Variants in DIRAS2 observed in about 807,000 individuals in gnomAD.
The protein encoded by DIRAS2 is DIRAS family GTPase 2, also known as GTP-binding protein Di-Ras2.
Under a neutral mutation model 13.9 loss-of-function variants are expected in DIRAS2, and 5 were observed. The ratio of observed to expected loss-of-function variants is 0.36; its 90% CI spans 0.19 to 0.76. The LOEUF is 0.76. DIRAS2 is among the 30% of genes least tolerant of loss of function. DIRAS2 has a pLI of 0.53. For synonymous variants in DIRAS2, 111 were observed against 105.4 expected (o/e 1.05, Z -0.33); for missense variants, 191 against 263.0 (o/e 0.73, Z 1.89).
At chr9:90,619,344 G>A (rs1328754664) in intron 1 of DIRAS2, among the ~76,000 whole-genome samples, 4 of 152,148 alleles carry the variant, frequency 2.6e-5, no homozygotes, top group African/African-American at 9.7e-5. Context: ...TTGGGAGGCT[G>A]AGGCAGGAGA....
chr9:90,621,269 A>C (rs1361586733), intron 1 of DIRAS2, among the ~76,000 whole-genome samples: 2 of 152,184 alleles, frequency 1.3e-5, no homozygotes, highest in African/African-American at 4.8e-5. Context: ...AATGACTAGT[A>C]TAAGGTAATG....
intron 1 of DIRAS2, among the ~76,000 whole-genome samples, chr9:90,628,796 C>T (rs948489173): frequency 6.6e-6 from 1 of 152,182 alleles, no homozygotes; most frequent in Admixed American, 6.5e-5. Flanking sequence ...ATCCACTTCC[C>T]TCGGCCTCCC....
chr9:90,626,794 T>C (rs991745881), intron 1 of DIRAS2, among the ~76,000 whole-genome samples: 2 of 152,294 alleles, frequency 1.3e-5, no homozygotes, highest in Admixed American at 6.5e-5. Context: ...TAGTAGATAT[T>C]TGTGTGCCCG....
Position 90,610,536 on chromosome 9 carries a change from C to T in DIRAS2, c.*2692G>A, listed in dbSNP as rs1825101921. On this transcript the variant is annotated 3_prime_UTR_variant, in exon 2 of 2. Transcript: ENST00000375765. ...TTTAATTAAATATTAACTTATTCTG[C>T]CTGGGTCAAAAACTGCTATGCCCAT... 5.0e-6 allele frequency: 2 copies of T among 397,826 alleles called. No individual in the cohort carries two copies. Among genetic ancestry groups the T allele is most frequent in the Non-Finnish European group, 8.9e-6 (2 of 225,606 alleles). The allele number at this position is 397,826 out of a possible 1,614,324, so 24.6% of individuals were successfully genotyped here. A position where few individuals can be genotyped will look rare whatever the true frequency, so the allele number is the denominator to read the frequency against.
intron 1 of DIRAS2, among the ~76,000 whole-genome samples, chr9:90,632,285 C>T (rs1309969069): frequency 6.6e-6 from 1 of 152,212 alleles, no homozygotes; most frequent in African/African-American, 2.4e-5. Flanking sequence ...TATCCCCCAG[C>T]TCACTCAATT....
intron 1 of DIRAS2, among the ~76,000 whole-genome samples, chr9:90,635,628 T>C (rs1825363139): frequency 6.6e-6 from 1 of 152,220 alleles, no homozygotes; most frequent in Non-Finnish European, 1.5e-5. Flanking sequence ...CATCATGGGA[T>C]ATTTAACTCA....
In DIRAS2 at chr9:90,613,746, C is replaced by T; in HGVS notation, c.82G>A (p.Val28Met). 6.2e-7 allele frequency: 1 copy of T among 1,614,152 alleles called. No homozygotes were observed. The highest frequency in any genetic ancestry group is 8.5e-7 in the Non-Finnish European group (1 of 1,180,018). The change falls in exon 2 of 2, where the codon GTG (valine) becomes ATG (methionine). Residue 28 changes from valine (V) to methionine (M), a missense_variant. Val to Met is a conservative substitution (Grantham distance 21, BLOSUM62 1). Transcript: ENST00000375765. The surrounding 1 kb of genome is among the most constrained non-coding windows in gnomAD (Gnocchi z 5.6). ...VGKSSLVLRF[V>M]KGTFRESYIP... ...TAGCTCTCCCGGAATGTGCCTTTCA[C>T]AAACCTCAACACCAGGGAGCTCTTG...
intron 1 of DIRAS2, among the ~76,000 whole-genome samples, chr9:90,635,507 A>G (rs1825362054): frequency 1.3e-5 from 2 of 152,258 alleles, no homozygotes; most frequent in South Asian, 2.1e-4. Context: ...CTGACACATC[A>G]GAAATGCTCT....
At chr9:90,619,962 T>A (rs690010) in intron 1 of DIRAS2, among the ~76,000 whole-genome samples, 31,121 of 151,948 alleles carry the variant, frequency 0.2, 3,766 homozygotes, top group East Asian at 0.32. Context: ...TACTGTATGG[T>A]TCCATCATAT....
rs572490210 is a variant in DIRAS2, at chr9:90,611,277, C to G, written c.*1951G>C. ...TGCTTGAGGAATCTGAAGGGGGCCA[C>G]GGGACTGGCCCAAATGCTCTTCACC... is the stretch of plus-strand genomic sequence containing the variant. On this transcript the variant is annotated 3_prime_UTR_variant, in exon 2 of 2. Transcript: ENST00000375765. 1 of 152,326 alleles carries G rather than the reference C, an allele frequency of 6.6e-6. No homozygotes were observed. Among genetic ancestry groups the G allele is most frequent in the South Asian group, 2.1e-4 (1 of 4,826 alleles). 9.4% of individuals were successfully genotyped at this position (152,326 alleles called of 1,614,324 possible).
In DIRAS2 at chr9:90,610,772, T is replaced by C. The variant is rs534193250; in HGVS notation, c.*2456A>G. On this transcript the variant is annotated 3_prime_UTR_variant, in exon 2 of 2. Transcript: ENST00000375765. ...CAAAATGAAGACCCATAATTGAGGC[T>C]TCAATAGCCTTCCTAGCCTATAAAT... 3.5e-4 allele frequency: 77 copies of C among 220,824 alleles called. No individual in the cohort carries two copies. The East Asian group carries it at 6.6e-3, about 19-fold the overall frequency. 13.7% of individuals were successfully genotyped at this position (220,824 alleles called of 1,614,324 possible).
intron 1 of DIRAS2, among the ~76,000 whole-genome samples, chr9:90,627,111 T>G (rs1825277161): frequency 6.6e-6 from 1 of 152,144 alleles, no homozygotes. Context: ...CACCCCCAAC[T>G]TGCAACTCTC....
intron 1 of DIRAS2, among the ~76,000 whole-genome samples, chr9:90,620,338 C>T (rs889299102): frequency 2.0e-5 from 3 of 152,216 alleles, no homozygotes; most frequent in Admixed American, 6.5e-5. Context: ...TAACAGACCT[C>T]AGCTTTATTC....
intron 1 of DIRAS2, among the ~76,000 whole-genome samples, chr9:90,620,177 C>T (rs1026857549): frequency 1.5e-4 from 23 of 152,096 alleles, no homozygotes; most frequent in Middle Eastern, 3.2e-3. Flanking sequence ...CACTTTAATG[C>T]GGGAATTATA....
chr9:90,616,267 T>G (rs922831016), intron 1 of DIRAS2, among the ~76,000 whole-genome samples: 2 of 152,192 alleles, frequency 1.3e-5, no homozygotes, highest in African/African-American at 4.8e-5. Flanking sequence ...CAGAGAAATA[T>G]CCACTGAGCT....
intron 1 of DIRAS2, among the ~76,000 whole-genome samples, chr9:90,622,717 G>T (rs1825231089): frequency 6.6e-6 from 1 of 152,140 alleles, no homozygotes. Context: ...AAGCCAGTAT[G>T]ATTATCTTTC....
Position 90,610,907 on chromosome 9 carries a change from G to T in DIRAS2, c.*2321C>A, listed in dbSNP as rs1329586929. 2 of 152,538 alleles carry T rather than the reference G, an allele frequency of 1.3e-5. No individual in the cohort carries two copies. The highest frequency in any genetic ancestry group is 2.9e-5 in the Non-Finnish European group (2 of 68,292). The allele number at this position is 152,538 out of a possible 1,614,324, so 9.4% of individuals were successfully genotyped here. A position where few individuals can be genotyped will look rare whatever the true frequency, so the allele number is the denominator to read the frequency against. Reference sequence around the variant, plus strand: ...CTGAACACTTAAACATGTAGAAACTGATTTGAAAGGGATAAAAGAAATTCT... The same window carrying T: ...CTGAACACTTAAACATGTAGAAACTTATTTGAAAGGGATAAAAGAAATTCT... On this transcript the variant is annotated 3_prime_UTR_variant, in exon 2 of 2. Transcript: ENST00000375765.
At chr9:90,623,256 A>G (rs1825236255) in intron 1 of DIRAS2, among the ~76,000 whole-genome samples, 1 of 152,188 alleles carries the variant, frequency 6.6e-6, no homozygotes, top group African/African-American at 2.4e-5. Context: ...GAATCATCAC[A>G]TTGGCTGGGA....
At chr9:90,641,149 C>T (rs1400034594) in intron 1 of DIRAS2, among the ~76,000 whole-genome samples, 2 of 152,190 alleles carry the variant, frequency 1.3e-5, no homozygotes, top group Non-Finnish European at 2.9e-5. Flanking sequence ...GAGGAAACTG[C>T]TTTGCTGAGA....
Sources: gnomAD v4.1 joint callset for allele counts (sites outside exome capture counted in the v4.1 genomes callset) on GRCh38, gnomAD v4.1.1 for gene constraint, Gnocchi (gnomAD v3.1) non-coding constraint, MANE v1.5 for transcripts, NCBI Gene and HGNC (gene_info 2026-07-23, HGNC 2026-07-21) for gene names.